The following OR52N4 variants were observed in gnomAD, a reference collection of about 807,000 sequenced individuals.
OR52N4 encodes olfactory receptor family 52 subfamily N member 4.
In OR52N4, 15 loss-of-function variants were observed where a neutral mutation model predicts 15.0. The ratio of observed to expected loss-of-function variants is 1.00; its 90% CI spans 0.67 to 1.54. OR52N4 has a LOEUF of 1.54. Ranked by LOEUF, OR52N4 falls within the 40% of genes most tolerant of loss-of-function variation. The pLI is 0.00. For synonymous variants in OR52N4, 143 were observed against 143.7 expected, an observed-to-expected ratio of 1.00 and a Z score of 0.03; for missense variants, 421 against 394.0, an observed-to-expected ratio of 1.07 and a Z score of -0.58.
the OR52N4 span, chr11:5,726,865 CT>C: frequency 6.3e-6 from 1 of 158,542 alleles, no homozygotes. Flanking sequence ...TGGCCATGGC[CT>C]TTGATCGCTA....
chr11:5,752,829 G>T (rs1307108614), upstream of OR52N4, among the ~76,000 whole-genome samples: 1 of 151,886 alleles, frequency 6.6e-6, no homozygotes, highest in African/African-American at 2.4e-5. Context: ...TTTTTAAAAA[G>T]ATTTTTCTAT....
chr11:5,734,538 G>T, the OR52N4 span, among the ~76,000 whole-genome samples: 2 of 152,030 alleles, frequency 1.3e-5, no homozygotes, highest in East Asian at 3.8e-4. Context: ...TCTATGTCAT[G>T]CTAGAATATA....
At chr11:5,752,362 T>C (rs1043821239), upstream of OR52N4, among the ~76,000 whole-genome samples, 1 of 152,240 alleles carries the variant, frequency 6.6e-6, no homozygotes, top group Non-Finnish European at 1.5e-5. Flanking sequence ...CTCTTCATCT[T>C]ACCCAATAAG....
upstream of OR52N4, among the ~76,000 whole-genome samples, chr11:5,753,947 C>T (rs1278675093): frequency 6.9e-6 from 1 of 144,696 alleles, no homozygotes; most frequent in Non-Finnish European, 1.5e-5. Flanking sequence ...CAAGATTGCG[C>T]CACTGCACTC....
Position 5,754,673 on chromosome 11 carries a change from GT to G in OR52N4, c.-48-9del, listed in dbSNP as rs34221828. ...GTAAAAATAACCTATATTTTCTCTT[GT>G]TTTTTTTTTTAACTCTAGGAAAGCC... On this transcript the variant is annotated intron_variant, in intron 1 of 1. Coordinates refer to ENST00000641350, the MANE Select transcript of OR52N4 (RefSeq NM_001005175.5). 22,531 of 1,121,594 alleles carry G rather than the reference GT, an allele frequency of 0.02. No homozygotes were observed. The highest frequency in any genetic ancestry group is 0.03 in the South Asian group (1,641 of 55,040). The allele number at this position is 1,121,594 out of a possible 1,614,324, so 69.5% of individuals were successfully genotyped here.
At chr11:5,736,800 G>C in the OR52N4 span, 4 of 1,613,978 alleles carry the variant, frequency 2.5e-6, no homozygotes, top group African/African-American at 4.0e-5. Flanking sequence ...GCCATCTTCT[G>C]GTTTGATGCC....
chr11:5,746,813 C>T, the OR52N4 span, among the ~76,000 whole-genome samples: 3 of 151,958 alleles, frequency 2.0e-5, no homozygotes, highest in South Asian at 2.1e-4. Context: ...TCTGTATTTA[C>T]CATAAGGGAA....
At chr11:5,735,649 G>A in the OR52N4 span, among the ~76,000 whole-genome samples, 1 of 152,104 alleles carries the variant, frequency 6.6e-6, no homozygotes, top group African/African-American at 2.4e-5. Flanking sequence ...CTAGATTCAA[G>A]CTTGTCTGGT....
In OR52N4 at chr11:5,755,561, C is replaced by T. The variant is rs372415290; in HGVS notation, c.821C>T (p.Ser274Phe). The change falls in exon 2 of 2, where the codon TCT becomes TTT. Residue 274 changes from serine to phenylalanine, a missense_variant. Transcript: ENST00000641350. ...HRFGEHIIPPSCHIIVANIYL... is the reference protein window; with the variant it reads ...HRFGEHIIPPFCHIIVANIYL... ...TTTGGGGAACACATAATCCCCCCTTCTTGCCACATCATTGTAGCCAATATT... is the reference window on the plus strand; with the variant it reads ...TTTGGGGAACACATAATCCCCCCTTTTTGCCACATCATTGTAGCCAATATT... 18 of 1,613,932 alleles carry T rather than the reference C, an allele frequency of 1.1e-5. No homozygotes were observed. The African/African-American group carries it at 1.5e-4, about 13-fold the overall frequency.
chr11:5,755,751 T>C lies in OR52N4; in HGVS notation c.*45T>C. On this transcript the variant is annotated 3_prime_UTR_variant, in exon 2 of 2. Transcript: ENST00000641350. Reference sequence around the variant, plus strand: ...GAGAAGAGAAGGAAAGAATTACTTCTATTTGCCTCTTATGCAGGAGTTCAT... The same window carrying C: ...GAGAAGAGAAGGAAAGAATTACTTCCATTTGCCTCTTATGCAGGAGTTCAT... 1 of 1,575,234 alleles carries C rather than the reference T, an allele frequency of 6.3e-7. No homozygotes were observed. The highest frequency in any genetic ancestry group is 8.6e-7 in the Non-Finnish European group (1 of 1,162,618).
upstream of OR52N4, among the ~76,000 whole-genome samples, chr11:5,750,047 C>T (rs1032025027): frequency 1.3e-5 from 2 of 151,420 alleles, no homozygotes; most frequent in African/African-American, 2.4e-5. Flanking sequence ...GTTGTGTAAG[C>T]ATAAAACCAG....
chr11:5,748,263 C>T, the OR52N4 span, among the ~76,000 whole-genome samples: 3 of 151,896 alleles, frequency 2.0e-5, no homozygotes, highest in Admixed American at 1.3e-4. Flanking sequence ...TAAATCTATA[C>T]CATAACTTCA....
At chr11:5,751,356 C>CT (rs1299329544), upstream of OR52N4, among the ~76,000 whole-genome samples, 7 of 150,774 alleles carry the variant, frequency 4.6e-5, no homozygotes, top group South Asian at 2.1e-4. Context: ...CCTTTGTCAT[C>CT]TTTTTTTTTC....
the OR52N4 span, among the ~76,000 whole-genome samples, chr11:5,729,114 ATTTTTT>A: frequency 3.6e-5 from 3 of 82,916 alleles, no homozygotes; most frequent in African/African-American, 4.8e-5. Context: ...TTAAATTGAG[ATTTTTT>A]TTTTTTTTTT....
At chr11:5,748,918 G>A in the OR52N4 span, among the ~76,000 whole-genome samples, 12 of 151,932 alleles carry the variant, frequency 7.9e-5, no homozygotes, top group Middle Eastern at 3.4e-3. Flanking sequence ...GCTTATATAC[G>A]TATCATTATT....
At chr11:5,752,228 T>C (rs1854205822), upstream of OR52N4, among the ~76,000 whole-genome samples, 1 of 152,146 alleles carries the variant, frequency 6.6e-6, no homozygotes, top group South Asian at 2.1e-4. Flanking sequence ...TGACACCCAG[T>C]ATAACTCTGA....
At chr11:5,737,635 T>A in the OR52N4 span, 1 of 729,822 alleles carries the variant, frequency 1.4e-6, no homozygotes, top group Non-Finnish European at 2.1e-6. Flanking sequence ...TCAGAAAAGA[T>A]ACAAAAAATC....
chr11:5,755,143 T>C lies in OR52N4; in HGVS notation c.403T>C (p.Ser135Pro). The change falls in exon 2 of 2, where the codon TCA becomes CCA. Residue 135 changes from serine (S) to proline (P), a missense_variant. Transcript: ENST00000641350. Reference protein sequence around the residue: ...YVAICYPLRYSTILTNPVIAK... With the variant: ...YVAICYPLRYPTILTNPVIAK... The stretch of plus-strand genomic sequence containing the variant: ...GGCCATCTGCTACCCCTTACGCTAT[T>C]CAACTATCCTCACCAATCCTGTAAT... 2 of 1,614,062 alleles carry C rather than the reference T, an allele frequency of 1.2e-6. No individual in the cohort carries two copies. The highest frequency in any genetic ancestry group is 4.5e-5 in the East Asian group (2 of 44,870).
intron 1 of OR52N4, 25 bp from the exon 2 acceptor site, chr11:5,754,668 C>T: frequency 7.1e-7 from 1 of 1,412,060 alleles, no homozygotes; most frequent in East Asian, 2.3e-5. Context: ...CCTATATTTT[C>T]TCTTGTTTTT....
Sources: gnomAD v4.1 joint callset for allele counts (sites outside exome capture counted in the v4.1 genomes callset) on GRCh38, gnomAD v4.1.1 for gene constraint, MANE v1.5 for transcripts, NCBI Gene and HGNC (gene_info 2026-07-23, HGNC 2026-07-21) for gene names.